PSME4: variants seen among roughly 807,000 people sequenced by gnomAD.
The protein encoded by PSME4 is proteasome activator subunit 4.
PSME4 carries 89 observed loss-of-function variants against 253.9 expected under a neutral mutation model. That is an observed-to-expected ratio of 0.35 (90% CI 0.30 to 0.42). The LOEUF (loss-of-function observed/expected upper bound fraction) is 0.42, where lower values mean the gene tolerates loss of function less well. Among genes scored for constraint, PSME4 ranks in the 10% least tolerant of loss-of-function variants. PSME4 has a pLI of 1.00. For missense variants in PSME4, 2,014 were observed against 2,195.2 expected, an observed-to-expected ratio of 0.92 and a Z score of 1.65; for synonymous variants, 851 against 759.2, an observed-to-expected ratio of 1.12 and a Z score of -1.99.
At chr2:53,932,602 C>T in intron 9 of PSME4, 66 bp downstream of exon 9, 1 of 1,282,012 alleles carries the variant, frequency 7.8e-7, no homozygotes, top group Admixed American at 1.7e-5. Flanking sequence ...ACACAATAGG[C>T]AATAGTCAAG....
At chr2:53,886,130 G>A (rs1481986171) in intron 40 of PSME4, among the ~76,000 whole-genome samples, 2 of 152,186 alleles carry the variant, frequency 1.3e-5, no homozygotes. Flanking sequence ...GAAATGGGCT[G>A]GGTAAAGTGG....
chr2:53,886,456 T>C (rs1276447763), intron 40 of PSME4, among the ~76,000 whole-genome samples: 1 of 152,218 alleles, frequency 6.6e-6, no homozygotes, highest in Non-Finnish European at 1.5e-5. Context: ...ATAAAGATTC[T>C]TGAAATATCA....
At chr2:53,875,176 G>A (rs574100071) in intron 42 of PSME4, among the ~76,000 whole-genome samples, 1 of 152,292 alleles carries the variant, frequency 6.6e-6, no homozygotes, top group Admixed American at 6.5e-5. Context: ...TGAAAGCTAT[G>A]GGAAGACGTC....
intron 20 of PSME4, among the ~76,000 whole-genome samples, chr2:53,916,525 T>C (rs1339484643): frequency 6.6e-6 from 1 of 152,206 alleles, no homozygotes; most frequent in Non-Finnish European, 1.5e-5. Flanking sequence ...CTGCTGATAA[T>C]CACCATAAAT....
chr2:53,887,727 T>C (rs2293361), intron 39 of PSME4, 131 bp downstream of exon 39: 88,255 of 1,208,620 alleles, frequency 0.073, 4,325 homozygotes, highest in East Asian at 0.25. Flanking sequence ...CACGACACAA[T>C]AGCAAACAAT....
chr2:53,969,196 C>G (rs1262712745), intron 1 of PSME4, among the ~76,000 whole-genome samples: 1 of 152,060 alleles, frequency 6.6e-6, no homozygotes, highest in Non-Finnish European at 1.5e-5. Flanking sequence ...CTGCTTCTGC[C>G]GCCCCTCACC....
rs977018070 is a variant in PSME4, at chr2:53,904,098, C to T, written c.3002G>A (p.Cys1001Tyr). Residue 1001 changes from cysteine (C) to tyrosine (Y), a missense_variant, in exon 27 of 47, where the codon TGC becomes TAC. Cys to Tyr is a radical substitution (Grantham distance 194). This residue lies in a region of PSME4 where 989 missense variants were observed against 1,021.1 expected (regional missense o/e 0.97). Coordinates refer to ENST00000404125, the MANE Select transcript of PSME4 (RefSeq NM_014614.3). Reference sequence around the variant, plus strand: ...CAAAACCAAGGGAATGATATCTCTGCAACAGAAGTTATATGCTCCCAAGGC... The same window carrying T: ...CAAAACCAAGGGAATGATATCTCTGTAACAGAAGTTATATGCTCCCAAGGC... ...FAALGAYNFC[C>Y]RDIIPLVLEF... 2.2e-5 allele frequency: 36 copies of T among 1,613,636 alleles called. No individual in the cohort carries two copies. Among genetic ancestry groups the T allele is most frequent in the Non-Finnish European group, 2.8e-5 (33 of 1,179,776 alleles).
At chr2:53,895,431 A>G (rs544303483) in intron 33 of PSME4, 152 bp downstream of exon 33, 20 of 784,716 alleles carry the variant, frequency 2.5e-5, no homozygotes, top group South Asian at 2.3e-4. Context: ...GGAATGAGGC[A>G]TAGCATTGGC....
intron 3 of PSME4, among the ~76,000 whole-genome samples, chr2:53,940,577 A>G (rs1472463248): frequency 1.3e-5 from 2 of 152,104 alleles, no homozygotes; most frequent in East Asian, 3.8e-4. Flanking sequence ...AGTTGCCTCA[A>G]GTGAATACAG....
At chr2:53,925,786 GT>G in intron 13 of PSME4, 97 bp from the exon 14 acceptor site, 1 of 1,340,998 alleles carries the variant, frequency 7.5e-7, no homozygotes, top group East Asian at 2.3e-5. Context: ...AATTATTCAA[GT>G]GATAGCTACT....
chr2:53,908,696 CAT>C, intron 22 of PSME4, 86 bp downstream of exon 22: 1 of 1,446,774 alleles, frequency 6.9e-7, no homozygotes. Context: ...GAATAAAAAA[CAT>C]TAAGTAAACA....
chr2:53,919,021 C>A, intron 20 of PSME4, 130 bp downstream of exon 20: 1 of 855,058 alleles, frequency 1.2e-6, no homozygotes, highest in Non-Finnish European at 1.8e-6. Flanking sequence ...GTATTTTTGA[C>A]CTTAACAGTG....
At chr2:53,934,108 AGAT>A (rs1237055138) in intron 8 of PSME4, among the ~76,000 whole-genome samples, 1 of 152,258 alleles carries the variant, frequency 6.6e-6, no homozygotes, top group East Asian at 1.9e-4. Flanking sequence ...CTTATATGAA[AGAT>A]GACATTGAAA....
rs115719959 is a variant in PSME4 at position 53,881,145 on chromosome 2, G to C, written c.4815+4545C>G. ...ATTATATACTAAACTATGTTAACCA[G>C]TAGAAAATGCTGTTCATTTAGTTAG... On this transcript the variant is annotated intron_variant, in intron 41 of 46. Coordinates refer to ENST00000404125, the MANE Select transcript of PSME4 (RefSeq NM_014614.3). Among the ~76,000 whole-genome samples the C allele has an allele frequency of 6.5e-3, 985 of 152,228 alleles. 8 individuals carry two copies. Among genetic ancestry groups the C allele is most frequent in the African/African-American group, 0.023 (938 of 41,540 alleles).
At chr2:53,946,754 A>T (rs1349982639) in intron 3 of PSME4, among the ~76,000 whole-genome samples, 3 of 151,994 alleles carry the variant, frequency 2.0e-5, no homozygotes, top group African/African-American at 7.3e-5. Context: ...ACAAATAAAA[A>T]ATTTTAAAAA....
rs1680528818 is a variant in PSME4, at chr2:53,903,941, G to C, written c.3075+84C>G. 4 of 1,100,638 alleles carry C rather than the reference G, an allele frequency of 3.6e-6. No individual in the cohort carries two copies. In the Admixed American group the frequency reaches 7.1e-5, roughly 19 times the overall value. The allele number at this position is 1,100,638 out of a possible 1,614,324, so 68.2% of individuals were successfully genotyped here. A position where few individuals can be genotyped will look rare whatever the true frequency, so the allele number is the denominator to read the frequency against. ...AATACAGAATCTCAGTGGTGAAGAA[G>C]ATATGGATGTTTACCGTAGAATTTT... On this transcript the variant is annotated intron_variant, in intron 27 of 46. Transcript: ENST00000404125.
chr2:53,914,720 A>C (rs2104446281), intron 20 of PSME4, among the ~76,000 whole-genome samples: 1 of 152,258 alleles, frequency 6.6e-6, no homozygotes, highest in East Asian at 1.9e-4. Context: ...GTCTCTACTA[A>C]AAATACAAAA....
At chr2:53,876,176 G>GT (rs901948296) in intron 41 of PSME4, among the ~76,000 whole-genome samples, 3 of 152,128 alleles carry the variant, frequency 2.0e-5, no homozygotes, top group Admixed American at 2.0e-4. Flanking sequence ...ATTACAACTG[G>GT]TTTTTTGAAA....
rs552076336 is a variant in PSME4, at chr2:53,888,600, T to C, written c.4388+121A>G. ...TTATATGGAACCAGATCACATCACC[T>C]TCCAGAAGAAAGTAATTACTTCATC... is the stretch of plus-strand genomic sequence containing the variant. On this transcript the variant is annotated intron_variant, in intron 38 of 46. Coordinates refer to ENST00000404125, the MANE Select transcript of PSME4 (RefSeq NM_014614.3). 21 of 637,188 alleles carry C rather than the reference T, an allele frequency of 3.3e-5. 1 individual carries two copies. The Middle Eastern group carries it at 1.4e-3, about 42-fold the overall frequency. 39.5% of individuals were successfully genotyped at this position (637,188 alleles called of 1,614,324 possible). A position where few individuals can be genotyped will look rare whatever the true frequency, so the allele number is the denominator to read the frequency against.
Sources: gnomAD v4.1 joint callset for allele counts (sites outside exome capture counted in the v4.1 genomes callset) on GRCh38, gnomAD v4.1.1 for gene constraint, gnomAD v4.1.1 regional missense constraint, MANE v1.5 for transcripts, NCBI Gene and HGNC (gene_info 2026-07-23, HGNC 2026-07-21) for gene names.